GALNT7: variants seen among roughly 807,000 people sequenced by gnomAD.
GALNT7 encodes the protein polypeptide N-acetylgalactosaminyltransferase 7.
In GALNT7, 60 loss-of-function variants were observed where a neutral mutation model predicts 82.1. That is an observed-to-expected ratio of 0.73 (90% CI 0.59 to 0.91). GALNT7 has a LOEUF of 0.91. GALNT7 is among the 40% of genes least tolerant of loss of function. GALNT7 has a pLI of 0.00. For missense variants in GALNT7, 660 were observed against 804.2 expected (o/e 0.82, Z 2.17); for synonymous variants, 243 against 275.1 (o/e 0.88, Z 1.15).
At chr4:173,193,018 A>C (rs1005529448) in intron 1 of GALNT7, among the ~76,000 whole-genome samples, 1 of 152,190 alleles carries the variant, frequency 6.6e-6, no homozygotes, top group African/African-American at 2.4e-5. Flanking sequence ...GTTATGGGGG[A>C]GGAAAACCTA....
chr4:173,291,410 T>G (rs1736526428), intron 2 of GALNT7, among the ~76,000 whole-genome samples: 1 of 152,172 alleles, frequency 6.6e-6, no homozygotes, highest in Non-Finnish European at 1.5e-5. Flanking sequence ...AACTTTGGGT[T>G]ACACTGCAAA....
At chr4:173,213,847 A>C (rs1733358069) in intron 1 of GALNT7, among the ~76,000 whole-genome samples, 1 of 152,166 alleles carries the variant, frequency 6.6e-6, no homozygotes, top group South Asian at 2.1e-4. Flanking sequence ...TTGTTTTAAA[A>C]GTCTCATCTT....
intron 10 of GALNT7, 132 bp downstream of exon 10, chr4:173,317,864 G>C: frequency 1.6e-6 from 1 of 616,100 alleles, no homozygotes; most frequent in Middle Eastern, 2.7e-4. Context: ...AAAACATTCT[G>C]TAAAAAAATT....
At chr4:173,269,456 G>A (rs1735639553) in intron 2 of GALNT7, among the ~76,000 whole-genome samples, 1 of 152,194 alleles carries the variant, frequency 6.6e-6, no homozygotes, top group Non-Finnish European at 1.5e-5. Context: ...GCTGCAGTTA[G>A]TGACATGAGC....
rs545043541 is a variant in GALNT7, at chr4:173,229,827, C to T, written c.127-18153C>T. Among the ~76,000 whole-genome samples, 14 of 152,210 alleles carry T rather than the reference C, an allele frequency of 9.2e-5. No individual in the cohort carries two copies. The East Asian group carries it at 2.5e-3, about 27-fold the overall frequency. Reference sequence around the variant, plus strand: ...AAGTCAGTATTCAATGAAATACTTTCTCTGATAAATTGATTTACTACTTTT... The same window carrying T: ...AAGTCAGTATTCAATGAAATACTTTTTCTGATAAATTGATTTACTACTTTT... On this transcript the variant is annotated intron_variant, in intron 1 of 11. Coordinates refer to ENST00000265000, the MANE Select transcript of GALNT7 (RefSeq NM_017423.3).
Position 173,248,034 on chromosome 4 carries a change from C to T in GALNT7, c.181C>T (p.Pro61Ser), listed in dbSNP as rs746373802. 6.2e-7 allele frequency: 1 copy of T among 1,613,658 alleles called. No homozygotes were observed. The highest frequency in any genetic ancestry group is 8.5e-7 in the Non-Finnish European group (1 of 1,179,744). Residue 61 changes from proline (P) to serine (S), a missense_variant, in exon 2 of 12, where the codon CCT (proline) becomes TCT (serine). Transcript: ENST00000265000. The part of the protein sequence containing the change: ...MPNRGGNGLA[P>S]GEDRFKPVVP... ...CAACCGAGGCGGCAATGGACTAGCT[C>T]CTGGGGAGGACAGATTCAAACCTGT...
At chr4:173,266,914 T>A (rs2126779150) in intron 2 of GALNT7, among the ~76,000 whole-genome samples, 1 of 143,388 alleles carries the variant, frequency 7.0e-6, no homozygotes, top group Admixed American at 7.1e-5. Context: ...TGTGTGTGTG[T>A]GTGTGTGTGT....
At chr4:173,212,028 T>C (rs1467305705) in intron 1 of GALNT7, among the ~76,000 whole-genome samples, 2 of 152,176 alleles carry the variant, frequency 1.3e-5, no homozygotes, top group Non-Finnish European at 2.9e-5. Context: ...GAGTTCTTCA[T>C]AGGTGAGTCA....
intron 1 of GALNT7, among the ~76,000 whole-genome samples, chr4:173,237,438 G>A (rs900995527): frequency 6.6e-6 from 1 of 152,112 alleles, no homozygotes; most frequent in African/African-American, 2.4e-5. Flanking sequence ...GGGATAATAG[G>A]ACATTGCTTT....
In GALNT7 at chr4:173,295,970, C is replaced by T; in HGVS notation, c.965+127C>T. The T allele has an allele frequency of 5.9e-6, 4 of 676,196 alleles. No homozygotes were observed. In the Admixed American group the frequency reaches 8.8e-5, roughly 15 times the overall value. 41.9% of individuals were successfully genotyped at this position (676,196 alleles called of 1,614,324 possible). On this transcript the variant is annotated intron_variant, in intron 5 of 11. Coordinates refer to ENST00000265000, the MANE Select transcript of GALNT7 (RefSeq NM_017423.3). Reference sequence around the variant, plus strand: ...TCGAGTGTGCTTTAGTGTTATCCCTCATCTATTTGTTTCCTTGGGTGGAGC... The same window carrying T: ...TCGAGTGTGCTTTAGTGTTATCCCTTATCTATTTGTTTCCTTGGGTGGAGC...
chr4:173,232,298 T>C (rs2126710477), intron 1 of GALNT7, among the ~76,000 whole-genome samples: 1 of 152,188 alleles, frequency 6.6e-6, no homozygotes, highest in South Asian at 2.1e-4. Flanking sequence ...TGACATATAC[T>C]AGAAAGCAGT....
In GALNT7 at chr4:173,245,720, AG is replaced by A. The variant is rs570986764; in HGVS notation, c.127-2258del. Among the ~76,000 whole-genome samples, 81 of 152,216 alleles carry A rather than the reference AG, an allele frequency of 5.3e-4. 1 individual carries two copies. Among genetic ancestry groups the A allele is most frequent in the Non-Finnish European group, 9.6e-4 (65 of 68,032 alleles). On this transcript the variant is annotated intron_variant, in intron 1 of 11. Coordinates refer to ENST00000265000, the MANE Select transcript of GALNT7 (RefSeq NM_017423.3). ...AGTAAGTATAATTTTGGAAGGAGCC[AG>A]GAGATAAATTGGAGAAACGAACACT...
chr4:173,188,690 C>T (rs933185658), intron 1 of GALNT7, among the ~76,000 whole-genome samples: 6 of 152,154 alleles, frequency 3.9e-5, no homozygotes, highest in African/African-American at 1.4e-4. Context: ...TTGAGGCCTT[C>T]CTTTCATGTT....
intron 1 of GALNT7, among the ~76,000 whole-genome samples, chr4:173,231,906 TTTTAGTCTGG>T (rs2126709776): frequency 6.6e-6 from 1 of 152,290 alleles, no homozygotes; most frequent in Non-Finnish European, 1.5e-5. Context: ...AATTAGAGCT[TTTTAGTCTGG>T]TTGGGGAAGA....
intron 1 of GALNT7, among the ~76,000 whole-genome samples, chr4:173,233,773 A>C (rs900394853): frequency 1.3e-5 from 2 of 152,078 alleles, no homozygotes; most frequent in Non-Finnish European, 2.9e-5. Context: ...CCCTTCTCTC[A>C]CATGCTTTTT....
At chr4:173,232,436 CT>C (rs962501592) in intron 1 of GALNT7, among the ~76,000 whole-genome samples, 310 of 143,584 alleles carry the variant, frequency 2.2e-3, no homozygotes, top group Non-Finnish European at 2.1e-3. Flanking sequence ...TTACCTTGAA[CT>C]TTTTTTTTTT....
chr4:173,313,320 A>G (rs1737460335), intron 8 of GALNT7, among the ~76,000 whole-genome samples: 1 of 151,876 alleles, frequency 6.6e-6, no homozygotes, highest in Non-Finnish European at 1.5e-5. Context: ...TGTAATTCCA[A>G]CACTTTGGGA....
intron 1 of GALNT7, among the ~76,000 whole-genome samples, chr4:173,195,165 T>G (rs1308932892): frequency 6.6e-6 from 1 of 152,220 alleles, no homozygotes; most frequent in East Asian, 1.9e-4. Flanking sequence ...CCTGATGAAG[T>G]GTCCTTAAAC....
intron 3 of GALNT7, 40 bp from the exon 4 acceptor site, chr4:173,295,356 A>G (rs768362903): frequency 3.9e-5 from 52 of 1,345,826 alleles, no homozygotes; most frequent in Non-Finnish European, 5.0e-5. Context: ...ATTGGTTTCT[A>G]TTCGTCTAAT....
Sources: allele counts gnomAD v4.1 joint callset (sites outside exome capture counted in the v4.1 genomes callset), GRCh38; gene constraint gnomAD v4.1.1; transcripts MANE v1.5; gene names NCBI Gene and HGNC (gene_info 2026-07-23, HGNC 2026-07-21).